Variants in SNAP91 observed in about 807,000 individuals in gnomAD.
The protein encoded by SNAP91 is clathrin coat assembly protein AP180.
Under a neutral mutation model 100.3 loss-of-function variants are expected in SNAP91, and 27 were observed. The observed-to-expected ratio is 0.27, with a 90% CI of 0.20 to 0.37. The LOEUF (loss-of-function observed/expected upper bound fraction) is 0.37. Ranked by LOEUF, SNAP91 falls within the 10% of genes least tolerant of loss-of-function variation. The pLI is 1.00. For synonymous variants in SNAP91, 404 were observed against 398.6 expected (o/e 1.01, Z -0.16); for missense variants, 986 against 1,123.7 (o/e 0.88, Z 1.75).
At chr6:83,700,443 G>T (rs62419595) in intron 2 of SNAP91, among the ~76,000 whole-genome samples, 1 of 151,842 alleles carries the variant, frequency 6.6e-6, no homozygotes, top group African/African-American at 2.4e-5. Context: ...ATAACTGATT[G>T]TTATTGCATA....
intron 9 of SNAP91, among the ~76,000 whole-genome samples, chr6:83,617,594 A>G (rs1562365259): frequency 6.6e-6 from 1 of 151,378 alleles, no homozygotes; most frequent in East Asian, 1.9e-4. Flanking sequence ...TGACCTATTT[A>G]TATATAAAAA....
rs553483697 is a variant in SNAP91 at position 83,560,951 on chromosome 6, C to T, written c.2443-4G>A. The T allele has an allele frequency of 1.9e-6, 3 of 1,595,316 alleles. No individual in the cohort carries two copies. Among genetic ancestry groups the T allele is most frequent in the East Asian group, 2.2e-5 (1 of 44,666 alleles). On this transcript the variant is annotated splice_polypyrimidine_tract_variant and splice_region_variant and intron_variant, in intron 26 of 29. Transcript: ENST00000369694. The stretch of plus-strand genomic sequence containing the variant: ...TGGTTGGAGGTACAGCTCCTTGCTA[C>T]ACAGATAGACAGACATACACATATA...
At chr6:83,662,918 T>C (rs1304011063) in intron 3 of SNAP91, among the ~76,000 whole-genome samples, 1 of 152,132 alleles carries the variant, frequency 6.6e-6, no homozygotes, top group African/African-American at 2.4e-5. Flanking sequence ...AAATTGAAGA[T>C]TTGTGGCAAC....
intron 8 of SNAP91, among the ~76,000 whole-genome samples, chr6:83,638,750 T>G (rs1468602756): frequency 6.6e-6 from 1 of 152,218 alleles, no homozygotes; most frequent in African/African-American, 2.4e-5. Context: ...GCTATTTTTA[T>G]TGCTCTGAAC....
intron 22 of SNAP91, among the ~76,000 whole-genome samples, chr6:83,584,226 A>G (rs1832515662): frequency 1.3e-5 from 2 of 152,170 alleles, no homozygotes; most frequent in African/African-American, 4.8e-5. Context: ...TCTATAGGTG[A>G]ATGTGGAGAA....
intron 8 of SNAP91, among the ~76,000 whole-genome samples, chr6:83,635,313 G>A (rs2097387413): frequency 1.3e-5 from 2 of 152,064 alleles, no homozygotes; most frequent in South Asian, 4.1e-4. Context: ...ATAAATCTAG[G>A]TGCTCCAATG....
rs770493529 is a variant in SNAP91, at chr6:83,594,425, G to A, written c.1381C>T (p.Pro461Ser). Residue 461 changes from proline to serine, a missense_variant, in exon 17 of 30, where the codon CCA becomes TCA. Around this residue, in one of 4 missense-constraint regions of SNAP91, gnomAD observed 575 missense variants for 579.9 expected, o/e 0.99. Transcript: ENST00000369694. ...APAASEGAAAPATPTPVAAAL... is the reference protein window; with the variant it reads ...APAASEGAAASATPTPVAAAL... ...GCTGCTACAGGGGTTGGGGTAGCTG[G>A]TGCGGCGGCCCCTTCGGATGCTGCA... 6.7e-5 allele frequency: 104 copies of A among 1,552,758 alleles called. No homozygotes were observed. The highest frequency in any genetic ancestry group is 9.0e-5 in the Non-Finnish European group (103 of 1,147,580).
intron 25 of SNAP91, chr6:83,575,510 G>T: frequency 4.0e-6 from 1 of 247,526 alleles, no homozygotes; most frequent in South Asian, 5.3e-5. Context: ...GATCTTAGAG[G>T]GTTCAGCAGA....
chr6:83,665,288 G>T, intron 3 of SNAP91, 151 bp downstream of exon 3: 1 of 738,256 alleles, frequency 1.4e-6, no homozygotes, highest in Non-Finnish European at 2.1e-6. Context: ...CTAAGGAGAA[G>T]ATTAAACTTG....
At chr6:83,606,779 C>T (rs909933767) in intron 13 of SNAP91, among the ~76,000 whole-genome samples, 7 of 152,074 alleles carry the variant, frequency 4.6e-5, no homozygotes, top group African/African-American at 1.4e-4. Flanking sequence ...ACCACTGAAA[C>T]CATTGCTAGT....
At chr6:83,605,958 CAA>C in intron 13 of SNAP91, among the ~76,000 whole-genome samples, 155 bp from the exon 14 acceptor site, 1 of 152,002 alleles carries the variant, frequency 6.6e-6, no homozygotes, top group East Asian at 1.9e-4. Context: ...TAGCATATAC[CAA>C]GAGTTGGCAA....
intron 26 of SNAP91, among the ~76,000 whole-genome samples, chr6:83,573,733 A>G (rs1356596810): frequency 6.6e-6 from 1 of 152,118 alleles, no homozygotes; most frequent in Non-Finnish European, 1.5e-5. Context: ...TGATGCTGGG[A>G]AAACTGGCTA....
At chr6:83,662,468 T>C in intron 3 of SNAP91, 46 bp from the exon 4 acceptor site, 1 of 782,928 alleles carries the variant, frequency 1.3e-6, no homozygotes. Context: ...AAAATCATAC[T>C]TTTAAACAAT....
chr6:83,642,379 C>A (rs2097748403), intron 7 of SNAP91, among the ~76,000 whole-genome samples: 2 of 152,098 alleles, frequency 1.3e-5, no homozygotes, highest in Non-Finnish European at 1.5e-5. Context: ...GTGATGTTCC[C>A]CTTCCTGTGT....
At chr6:83,702,302 A>G (rs1588212373) in intron 2 of SNAP91, among the ~76,000 whole-genome samples, 1 of 152,166 alleles carries the variant, frequency 6.6e-6, no homozygotes, top group African/African-American at 2.4e-5. Context: ...GAATAGGGTT[A>G]TATGTCACTT....
At chr6:83,650,952 A>C (rs774047320) in intron 7 of SNAP91, among the ~76,000 whole-genome samples, 3 of 152,188 alleles carry the variant, frequency 2.0e-5, no homozygotes, top group Non-Finnish European at 4.4e-5. Context: ...ATAGAGGCCT[A>C]TCCAGGTTGT....
At chr6:83,635,808 GTTTCT>G (rs1049301764) in intron 8 of SNAP91, among the ~76,000 whole-genome samples, 9 of 152,056 alleles carry the variant, frequency 5.9e-5, no homozygotes, top group African/African-American at 2.2e-4. Context: ...GTGGTAGCAG[GTTTCT>G]TTTGTTTCCA....
intron 26 of SNAP91, among the ~76,000 whole-genome samples, chr6:83,565,797 A>G (rs1795722553): frequency 1.3e-5 from 2 of 152,174 alleles, no homozygotes; most frequent in African/African-American, 4.8e-5. Flanking sequence ...ATAATAAATA[A>G]TGAAATGAAA....
At chr6:83,704,859 T>A (rs1168597002) in intron 2 of SNAP91, among the ~76,000 whole-genome samples, 2 of 152,194 alleles carry the variant, frequency 1.3e-5, no homozygotes, top group Non-Finnish European at 2.9e-5. Flanking sequence ...TATTTAATAT[T>A]TTCAAAACTA....
Sources: gnomAD v4.1 joint callset for allele counts (sites outside exome capture counted in the v4.1 genomes callset) on GRCh38, gnomAD v4.1.1 for gene constraint, gnomAD v4.1.1 regional missense constraint, MANE v1.5 for transcripts, NCBI Gene and HGNC (gene_info 2026-07-23, HGNC 2026-07-21) for gene names.